The following MAML3 variants were observed in gnomAD, a reference collection of about 807,000 sequenced individuals.
MAML3 encodes mastermind-like protein 3.
Under a neutral mutation model 101.9 loss-of-function variants are expected in MAML3, and 27 were observed. That is an observed-to-expected ratio of 0.27 (90% CI 0.20 to 0.37). The LOEUF (loss-of-function observed/expected upper bound fraction) is 0.37, where lower values mean the gene tolerates loss of function less well. Ranked by LOEUF, MAML3 falls within the 10% of genes least tolerant of loss-of-function variation. The pLI is 1.00. For synonymous variants in MAML3, 501 were observed against 555.9 expected (o/e 0.90, Z 1.39); for missense variants, 1,316 against 1,444.9 (o/e 0.91, Z 1.45).
At chr4:139,926,289 T>C (rs1336934073) in intron 1 of MAML3, among the ~76,000 whole-genome samples, 1 of 152,208 alleles carries the variant, frequency 6.6e-6, no homozygotes, top group Non-Finnish European at 1.5e-5. Flanking sequence ...GTTTAGATCC[T>C]TTTTGGTTAA....
chr4:140,113,779 C>A (rs1334312320), intron 1 of MAML3, among the ~76,000 whole-genome samples: 1 of 152,176 alleles, frequency 6.6e-6, no homozygotes, highest in Non-Finnish European at 1.5e-5. Flanking sequence ...GCTAGGATAC[C>A]TAGAACTGCT....
intron 1 of MAML3, among the ~76,000 whole-genome samples, chr4:140,128,908 T>C (rs1001587551): frequency 1.3e-5 from 2 of 152,104 alleles, no homozygotes; most frequent in Non-Finnish European, 1.5e-5. Context: ...AGATTTCCCT[T>C]CCATCACGCT....
rs769256142 is a variant in MAML3, at chr4:139,859,677, AGGC to A, written c.2079+29677_2079+29679del. Among the ~76,000 whole-genome samples, 18 of 152,340 alleles carry A rather than the reference AGGC, an allele frequency of 1.2e-4. No homozygotes were observed. In the East Asian group the frequency reaches 1.7e-3, roughly 15 times the overall value. On this transcript the variant is annotated intron_variant, in intron 2 of 4. Coordinates refer to ENST00000509479, the MANE Select transcript of MAML3 (RefSeq NM_018717.5). ...ATTTATAGGCATTCTCTTATTTAATAGGCACAACAATTTTATGAGAAATATACT... is the reference window on the plus strand; with the variant it reads ...ATTTATAGGCATTCTCTTATTTAATAACAACAATTTTATGAGAAATATACT...
At chr4:139,743,987 G>C (rs1729240418) in intron 2 of MAML3, among the ~76,000 whole-genome samples, 1 of 152,192 alleles carries the variant, frequency 6.6e-6, no homozygotes, top group Non-Finnish European at 1.5e-5. Flanking sequence ...CATGGTCATT[G>C]TCACTAACAG....
At chr4:139,968,390 T>C (rs971186532) in intron 1 of MAML3, among the ~76,000 whole-genome samples, 1 of 151,770 alleles carries the variant, frequency 6.6e-6, no homozygotes, top group Non-Finnish European at 1.5e-5. Context: ...TTATTTGCAA[T>C]TGAAGTTAAA....
At chr4:140,102,081 T>A (rs1261563025) in intron 1 of MAML3, among the ~76,000 whole-genome samples, 1 of 152,174 alleles carries the variant, frequency 6.6e-6, no homozygotes, top group Non-Finnish European at 1.5e-5. Context: ...TGTGTTGTTT[T>A]GTTTTAATGC....
chr4:139,800,450 T>C (rs1730584123), intron 2 of MAML3, among the ~76,000 whole-genome samples: 1 of 152,186 alleles, frequency 6.6e-6, no homozygotes, highest in African/African-American at 2.4e-5. Flanking sequence ...ATTGACTTGA[T>C]GATGAGAATA....
At chr4:140,035,897 A>G (rs1230572370) in intron 1 of MAML3, among the ~76,000 whole-genome samples, 1 of 152,198 alleles carries the variant, frequency 6.6e-6, no homozygotes, top group Non-Finnish European at 1.5e-5. Context: ...GGAACACATT[A>G]TCTACTTTTT....
At chr4:140,050,235 C>G (rs1727245173) in intron 1 of MAML3, among the ~76,000 whole-genome samples, 1 of 152,116 alleles carries the variant, frequency 6.6e-6, no homozygotes, top group Admixed American at 6.5e-5. Flanking sequence ...AGGATTATCT[C>G]ACCTACTTAT....
chr4:139,944,174 GACA>G (rs1173418997), intron 1 of MAML3, among the ~76,000 whole-genome samples: 1 of 150,230 alleles, frequency 6.7e-6, no homozygotes, highest in Non-Finnish European at 1.5e-5. Flanking sequence ...CCGGCCTAAA[GACA>G]ACATTTTTTT....
intron 2 of MAML3, among the ~76,000 whole-genome samples, chr4:139,883,710 A>G (rs1398274553): frequency 6.6e-6 from 1 of 152,100 alleles, no homozygotes; most frequent in Non-Finnish European, 1.5e-5. Flanking sequence ...GCAGAAATTA[A>G]GAGTGGCGTG....
chr4:140,134,917 C>T (rs1181498781), intron 1 of MAML3, among the ~76,000 whole-genome samples: 1 of 152,234 alleles, frequency 6.6e-6, no homozygotes, highest in Non-Finnish European at 1.5e-5. Flanking sequence ...CTCTGAGCCT[C>T]GCCTTCTGCT....
intron 1 of MAML3, among the ~76,000 whole-genome samples, chr4:139,995,984 G>A (rs981771045): frequency 6.6e-6 from 1 of 151,604 alleles, no homozygotes; most frequent in African/African-American, 2.4e-5. Flanking sequence ...TTAATATGTT[G>A]TGTTTTCATT....
chr4:140,075,773 C>A (rs928195835), intron 1 of MAML3, among the ~76,000 whole-genome samples: 25 of 147,028 alleles, frequency 1.7e-4, no homozygotes. Context: ...GGGGTGGGGG[C>A]GGAGGGGGAC....
In MAML3 at chr4:140,106,962, C is replaced by T. The variant is rs1381777523; in HGVS notation, c.468+45898G>A. Among the ~76,000 whole-genome samples the T allele has an allele frequency of 2.0e-5, 3 of 152,128 alleles. No homozygotes were observed. The South Asian group carries it at 6.2e-4, about 32-fold the overall frequency. On this transcript the variant is annotated intron_variant, in intron 1 of 4. Coordinates refer to ENST00000509479, the MANE Select transcript of MAML3 (RefSeq NM_018717.5). ...CTCGGCTCACTGCAACCTCTGCCTC[C>T]TGGGTTCAAGCGATTCTCCAGCCTC... is the stretch of plus-strand genomic sequence containing the variant.
At chr4:140,024,515 G>A (rs1466993149) in intron 1 of MAML3, among the ~76,000 whole-genome samples, 1 of 152,022 alleles carries the variant, frequency 6.6e-6, no homozygotes, top group Non-Finnish European at 1.5e-5. Context: ...AGCGTGTGCT[G>A]GGATTACAGG....
chr4:139,814,180 A>G (rs1160925234), intron 2 of MAML3, among the ~76,000 whole-genome samples: 2 of 152,190 alleles, frequency 1.3e-5, no homozygotes, highest in African/African-American at 4.8e-5. Flanking sequence ...TAGAAAGTCG[A>G]TAAGTAGTAT....
chr4:139,733,929 C>G (rs1579373627), intron 2 of MAML3, among the ~76,000 whole-genome samples: 1 of 152,254 alleles, frequency 6.6e-6, no homozygotes, highest in Non-Finnish European at 1.5e-5. Context: ...TGGCCTCAAA[C>G]AATCCTCCTG....
rs372594956 is a variant in MAML3, at chr4:140,104,396, TATATAATATATA to T, written c.468+48452_468+48463del. 7.5e-3 allele frequency among the ~76,000 whole-genome samples: 546 copies of T among 72,352 alleles called. 5 individuals carry two copies. Among genetic ancestry groups the T allele is most frequent in the Non-Finnish European group, 9.6e-3 (355 of 36,948 alleles). 47.5% of individuals were successfully genotyped at this position (72,352 alleles called of 152,430 possible). ...TATATAATATATATATATTATATAT[TATATAATATATA>T]ATATAATATATAATATACACGAATG... On this transcript the variant is annotated intron_variant, in intron 1 of 4. Coordinates refer to ENST00000509479, the MANE Select transcript of MAML3 (RefSeq NM_018717.5).
Sources: allele counts gnomAD v4.1 joint callset (sites outside exome capture counted in the v4.1 genomes callset), GRCh38; gene constraint gnomAD v4.1.1; transcripts MANE v1.5; gene names NCBI Gene and HGNC (gene_info 2026-07-23, HGNC 2026-07-21).